SDK2: variants seen among roughly 807,000 people sequenced by gnomAD.
The protein encoded by SDK2 is protein sidekick-2.
In SDK2, 105 loss-of-function variants were observed where a neutral mutation model predicts 253.9. The observed-to-expected ratio is 0.41, with a 90% confidence interval of 0.35 to 0.49. The LOEUF (loss-of-function observed/expected upper bound fraction) is 0.49, where lower values mean the gene tolerates loss of function less well. Among genes scored for constraint, SDK2 ranks in the 20% least tolerant of loss-of-function variants. The pLI is 0.06. For synonymous variants in SDK2, 1,249 were observed against 1,234.9 expected (o/e 1.01, Z -0.24); for missense variants, 2,608 against 3,003.0 (o/e 0.87, Z 3.07).
intron 12 of SDK2, among the ~76,000 whole-genome samples, chr17:73,428,762 G>A (rs368922592): frequency 2.6e-5 from 4 of 152,196 alleles, no homozygotes; most frequent in South Asian, 2.1e-4. Flanking sequence ...GGATGTCCCC[G>A]TCCCCCCAGT....
intron 1 of SDK2, chr17:73,517,199 GC>G (rs2064036216): frequency 6.6e-6 from 1 of 152,216 alleles, no homozygotes; most frequent in Non-Finnish European, 1.5e-5. Flanking sequence ...CAACATGGAA[GC>G]CAAGGGATGT....
chr17:73,398,526 C>A, intron 22 of SDK2, 97 bp from the exon 23 acceptor site: 1 of 1,056,264 alleles, frequency 9.5e-7, no homozygotes, highest in Non-Finnish European at 1.4e-6. Context: ...GAAGTTGGTT[C>A]AGAACCCAGG....
At chr17:73,581,083 G>A (rs1426027227) in intron 1 of SDK2, among the ~76,000 whole-genome samples, 1 of 151,566 alleles carries the variant, frequency 6.6e-6, no homozygotes, top group East Asian at 1.9e-4. Flanking sequence ...GTCTCATCAT[G>A]TTGCTCAGGT....
Position 73,455,085 on chromosome 17 carries a change from C to T in SDK2, c.479+821G>A, listed in dbSNP as rs888164652. 6.6e-6 allele frequency among the ~76,000 whole-genome samples: 1 copy of T among 152,150 alleles called. No homozygotes were observed. The highest frequency in any genetic ancestry group is 1.5e-5 in the Non-Finnish European group (1 of 68,026). On this transcript the variant is annotated intron_variant, in intron 4 of 44. Transcript: ENST00000392650. The surrounding 1 kb of genome is among the most constrained non-coding windows in gnomAD (Gnocchi z 5.0). ...ACTTAATGCTCCCCAAAGGCAGGAACCATCCATCTACGCCTCCACTCTCTA... is the reference window on the plus strand; with the variant it reads ...ACTTAATGCTCCCCAAAGGCAGGAATCATCCATCTACGCCTCCACTCTCTA...
chr17:73,587,577 C>T (rs1017786537), intron 1 of SDK2, among the ~76,000 whole-genome samples: 8 of 152,208 alleles, frequency 5.3e-5, no homozygotes, highest in Non-Finnish European at 1.5e-5. Flanking sequence ...CAGGCTCATT[C>T]ATAAATGAGA....
chr17:73,507,675 C>T (rs890066265), intron 1 of SDK2, 78 bp from the exon 2 acceptor site: 10 of 1,443,718 alleles, frequency 6.9e-6, no homozygotes, highest in African/African-American at 2.8e-5. Context: ...ATCCTAAGGC[C>T]CTTAGGCAGA....
chr17:73,387,728 G>A, intron 30 of SDK2, 108 bp downstream of exon 30: 2 of 1,008,134 alleles, frequency 2.0e-6, no homozygotes, highest in Non-Finnish European at 2.9e-6. Context: ...AGGAGAGCTG[G>A]GGGCAGGCTG....
intron 1 of SDK2, among the ~76,000 whole-genome samples, chr17:73,585,140 C>T (rs1344456757): frequency 6.6e-6 from 1 of 152,184 alleles, no homozygotes; most frequent in Non-Finnish European, 1.5e-5. Context: ...GGTGCTGATC[C>T]TGTTGGGGAT....
Position 73,361,985 on chromosome 17 carries a change from A to C in SDK2, c.5306-140T>G. ...ACTCCTTGAGGTCAGGCTGAAATGC[A>C]CCCCCAGCCCACACAACCACATTGC... On this transcript the variant is annotated intron_variant, in intron 38 of 44. Transcript: ENST00000392650. The surrounding 1 kb of genome is among the most constrained non-coding windows in gnomAD (Gnocchi z 4.1). The C allele has an allele frequency of 1.4e-6, 1 of 722,968 alleles. No individual in the cohort carries two copies. Among genetic ancestry groups the C allele is most frequent in the Non-Finnish European group, 2.2e-6 (1 of 453,308 alleles). 44.8% of individuals were successfully genotyped at this position (722,968 alleles called of 1,614,324 possible).
chr17:73,580,757 A>C (rs1266468713), intron 1 of SDK2, among the ~76,000 whole-genome samples: 1 of 152,174 alleles, frequency 6.6e-6, no homozygotes, highest in Non-Finnish European at 1.5e-5. Context: ...TTGGGACCCA[A>C]AGCGTTTTGG....
intron 3 of SDK2, among the ~76,000 whole-genome samples, chr17:73,468,008 G>A (rs1253055061): frequency 1.3e-5 from 2 of 152,184 alleles, no homozygotes; most frequent in Admixed American, 6.5e-5. Context: ...AGCACAGCAT[G>A]GTCCTGGTGG....
intron 34 of SDK2, among the ~76,000 whole-genome samples, chr17:73,380,096 C>T (rs751783833): frequency 5.3e-5 from 8 of 152,168 alleles, no homozygotes; most frequent in African/African-American, 9.7e-5. Context: ...GACGCAGCTG[C>T]AAGAAACGGG....
chr17:73,349,964 G>A (rs900612562), intron 43 of SDK2, among the ~76,000 whole-genome samples: 1 of 152,096 alleles, frequency 6.6e-6, no homozygotes, highest in Non-Finnish European at 1.5e-5. Flanking sequence ...GTCACTGTCA[G>A]GAACTCTTAG....
At chr17:73,499,555 A>G (rs1041990124) in intron 2 of SDK2, among the ~76,000 whole-genome samples, 6 of 152,214 alleles carry the variant, frequency 3.9e-5, no homozygotes, top group Non-Finnish European at 7.4e-5. Flanking sequence ...TCCTGCCTTC[A>G]TGGCCCCCGG....
intron 18 of SDK2, among the ~76,000 whole-genome samples, chr17:73,409,058 G>T (rs1568387412): frequency 6.6e-6 from 1 of 152,234 alleles, no homozygotes; most frequent in Non-Finnish European, 1.5e-5. Flanking sequence ...CCAAGGGAAA[G>T]GCAGAGGGTT....
chr17:73,592,637 A>G (rs1184271581), intron 1 of SDK2, among the ~76,000 whole-genome samples: 2 of 152,204 alleles, frequency 1.3e-5, no homozygotes, highest in Non-Finnish European at 2.9e-5. Flanking sequence ...AGCCTGGGGC[A>G]TGAAGACAGG....
At chr17:73,553,781 T>C (rs2045101238) in intron 1 of SDK2, among the ~76,000 whole-genome samples, 1 of 152,190 alleles carries the variant, frequency 6.6e-6, no homozygotes, top group African/African-American at 2.4e-5. Flanking sequence ...AGAGGGGGCA[T>C]GACCAGCTCC....
At chr17:73,588,170 C>T (rs989447711) in intron 1 of SDK2, among the ~76,000 whole-genome samples, 17 of 150,108 alleles carry the variant, frequency 1.1e-4, no homozygotes, top group African/African-American at 2.0e-4. Flanking sequence ...GTCAGGAGTT[C>T]GAGACCAGCC....
intron 2 of SDK2, among the ~76,000 whole-genome samples, chr17:73,499,430 C>A (rs573560317): frequency 6.6e-6 from 1 of 152,384 alleles, no homozygotes; most frequent in Admixed American, 6.5e-5. Flanking sequence ...CGGCCAGATG[C>A]CCACCTGGCT....
Sources: allele counts gnomAD v4.1 joint callset (sites outside exome capture counted in the v4.1 genomes callset), GRCh38; gene constraint gnomAD v4.1.1; non-coding constraint Gnocchi (gnomAD v3.1); transcripts MANE v1.5; gene names NCBI Gene and HGNC (gene_info 2026-07-23, HGNC 2026-07-21).